Variants in KANSL1L observed in about 807,000 individuals in gnomAD.
KANSL1L encodes the protein KAT8 regulatory NSL complex subunit 1-like protein.
KANSL1L carries 25 observed loss-of-function variants against 108.6 expected under a neutral mutation model. The ratio of observed to expected loss-of-function variants is 0.23; its 90% CI spans 0.17 to 0.32. KANSL1L has a LOEUF of 0.32. Ranked by LOEUF, KANSL1L falls within the 10% of genes least tolerant of loss-of-function variation. KANSL1L has a pLI of 1.00. For synonymous variants in KANSL1L, 405 were observed against 395.1 expected, an observed-to-expected ratio of 1.03 and a Z score of -0.30; for missense variants, 1,137 against 1,125.7, an observed-to-expected ratio of 1.01 and a Z score of -0.14.
At chr2:210,129,315 T>C in intron 2 of KANSL1L, 143 bp from the exon 3 acceptor site, 1 of 641,848 alleles carries the variant, frequency 1.6e-6, no homozygotes, top group Non-Finnish European at 2.6e-6. Flanking sequence ...AATGGCAGAT[T>C]GACTTCTTAT....
intron 8 of KANSL1L, among the ~76,000 whole-genome samples, chr2:210,036,023 C>T (rs776253784): frequency 7.9e-5 from 12 of 152,152 alleles, no homozygotes; most frequent in South Asian, 6.2e-4. Flanking sequence ...TAATCTGGAA[C>T]GCTCCACCCT....
chr2:210,033,112 C>G (rs1305170399), intron 8 of KANSL1L, among the ~76,000 whole-genome samples: 2 of 151,988 alleles, frequency 1.3e-5, no homozygotes, highest in Non-Finnish European at 2.9e-5. Flanking sequence ...AATGGGGTAA[C>G]AAGATGAGAC....
chr2:210,160,857 G>T (rs538071850), intron 1 of KANSL1L, among the ~76,000 whole-genome samples: 2 of 151,882 alleles, frequency 1.3e-5, no homozygotes, highest in Non-Finnish European at 2.9e-5. Flanking sequence ...ATTTGGAAAA[G>T]AACAAAGTTG....
At chr2:210,159,009 G>GT (rs1238904961) in intron 1 of KANSL1L, among the ~76,000 whole-genome samples, 1 of 152,120 alleles carries the variant, frequency 6.6e-6, no homozygotes, top group Non-Finnish European at 1.5e-5. Context: ...GAACAGTTTT[G>GT]TTAACTACTG....
chr2:210,119,353 G>A (rs1263517552), intron 3 of KANSL1L, among the ~76,000 whole-genome samples: 2 of 152,268 alleles, frequency 1.3e-5, no homozygotes, highest in Non-Finnish European at 2.9e-5. Context: ...CAGTATTACT[G>A]TGATATTAAA....
intron 1 of KANSL1L, among the ~76,000 whole-genome samples, chr2:210,168,140 G>A (rs913976421): frequency 1.3e-5 from 2 of 152,006 alleles, no homozygotes; most frequent in Non-Finnish European, 2.9e-5. Flanking sequence ...CGATATGAGA[G>A]ATATGCTTTA....
rs552489850 is a variant in KANSL1L at position 210,050,680 on chromosome 2, G to C, written c.1756-6576C>G. On this transcript the variant is annotated intron_variant, in intron 6 of 14. Coordinates refer to ENST00000281772, the MANE Select transcript of KANSL1L (RefSeq NM_152519.4). ...AGACCAGCCTGGGGCAACATAGTGA[G>C]ACCATCTCTACAGAAAAAAAAAAAA... Among the ~76,000 whole-genome samples, 5 of 135,212 alleles carry C rather than the reference G, an allele frequency of 3.7e-5. No individual in the cohort carries two copies. In the East Asian group the frequency reaches 1.2e-3, roughly 31 times the overall value. The allele number at this position is 135,212 out of a possible 152,430, so 88.7% of individuals were successfully genotyped here. A position where few individuals can be genotyped will look rare whatever the true frequency, so the allele number is the denominator to read the frequency against.
At chr2:210,029,681 A>T (rs910824447) in intron 10 of KANSL1L, 122 bp downstream of exon 10, 50 of 483,294 alleles carry the variant, frequency 1.0e-4, no homozygotes, top group Non-Finnish European at 1.7e-4. Context: ...CAAGATAGTT[A>T]TAAATGTCTG....
intron 10 of KANSL1L, 94 bp downstream of exon 10, chr2:210,029,709 G>A (rs780717159): frequency 1.6e-6 from 1 of 608,030 alleles, no homozygotes. Flanking sequence ...GTGCTAGTAA[G>A]GCTGTTATAG....
chr2:210,141,365 G>A (rs556343621), intron 2 of KANSL1L, among the ~76,000 whole-genome samples: 2 of 152,116 alleles, frequency 1.3e-5, no homozygotes, highest in Non-Finnish European at 2.9e-5. Flanking sequence ...CCAATGTGAT[G>A]GCCTTAAGAG....
At chr2:210,135,958 T>G (rs1173482301) in intron 2 of KANSL1L, among the ~76,000 whole-genome samples, 3 of 151,958 alleles carry the variant, frequency 2.0e-5, no homozygotes, top group Non-Finnish European at 4.4e-5. Flanking sequence ...GACACATATA[T>G]GCACACATTC....
At chr2:210,133,011 A>G (rs371171617) in intron 2 of KANSL1L, among the ~76,000 whole-genome samples, 2 of 151,878 alleles carry the variant, frequency 1.3e-5, no homozygotes, top group Non-Finnish European at 2.9e-5. Context: ...TCTATTTCTC[A>G]TTGTGTCAGT....
In KANSL1L at chr2:210,069,906, G is replaced by T. The variant is rs569444433; in HGVS notation, c.1755+5646C>A. On this transcript the variant is annotated intron_variant, in intron 6 of 14. Transcript: ENST00000281772. The stretch of plus-strand genomic sequence containing the variant: ...TGCAGTGGTAGGATCTCTGCTCACG[G>T]TAACCTCTGCTTTCTGGGTTCAAGC... Among the ~76,000 whole-genome samples, 5 of 127,472 alleles carry T rather than the reference G, an allele frequency of 3.9e-5. No homozygotes were observed. The East Asian group carries it at 1.3e-3, about 33-fold the overall frequency. The allele number at this position is 127,472 out of a possible 152,430, so 83.6% of individuals were successfully genotyped here.
chr2:210,043,842 A>T, intron 7 of KANSL1L, 97 bp downstream of exon 7: 1 of 867,270 alleles, frequency 1.2e-6, no homozygotes, highest in Non-Finnish European at 1.7e-6. Context: ...CTGAAAAAAA[A>T]TTGATAAAAT....
intron 6 of KANSL1L, among the ~76,000 whole-genome samples, chr2:210,045,387 T>A (rs1428947381): frequency 6.6e-6 from 1 of 152,196 alleles, no homozygotes; most frequent in Non-Finnish European, 1.5e-5. Context: ...CCTTTTACCA[T>A]TTCCCTGGAA....
At chr2:210,164,052 G>A (rs532989619) in intron 1 of KANSL1L, among the ~76,000 whole-genome samples, 10 of 152,110 alleles carry the variant, frequency 6.6e-5, no homozygotes, top group South Asian at 2.1e-4. Flanking sequence ...AATATGAAGT[G>A]GCTACATATG....
chr2:210,150,223 G>A (rs186069123), intron 2 of KANSL1L, among the ~76,000 whole-genome samples: 46 of 152,140 alleles, frequency 3.0e-4, no homozygotes, highest in African/African-American at 1.0e-3. Context: ...AAAGACAGCA[G>A]GAGAAATAAA....
chr2:210,107,380 TGAG>T (rs1420269079), intron 3 of KANSL1L, among the ~76,000 whole-genome samples: 1 of 151,734 alleles, frequency 6.6e-6, no homozygotes, highest in East Asian at 1.9e-4. Context: ...TTTCTGAGGG[TGAG>T]AAGAATCTGT....
chr2:210,061,377 G>A (rs1031084920), intron 6 of KANSL1L, among the ~76,000 whole-genome samples: 20 of 152,126 alleles, frequency 1.3e-4, no homozygotes, highest in Admixed American at 1.2e-3. Flanking sequence ...TGTTGTCTAA[G>A]GCTGAGACAT....
Sources: allele counts gnomAD v4.1 joint callset (sites outside exome capture counted in the v4.1 genomes callset), GRCh38; gene constraint gnomAD v4.1.1; transcripts MANE v1.5; gene names NCBI Gene and HGNC (gene_info 2026-07-23, HGNC 2026-07-21).